Variants in SIGLEC7 observed in about 807,000 individuals in gnomAD.
SIGLEC7 encodes the protein sialic acid-binding Ig-like lectin 7.
In SIGLEC7, 33 loss-of-function variants were observed where a neutral mutation model predicts 40.8. That is an observed-to-expected ratio of 0.81 (90% confidence interval 0.61 to 1.08). The LOEUF (loss-of-function observed/expected upper bound fraction) is 1.08. SIGLEC7 is among the 50% of genes least tolerant of loss of function. The pLI is 0.00. For missense variants in SIGLEC7, 513 were observed against 576.1 expected, an observed-to-expected ratio of 0.89 and a Z score of 1.12; for synonymous variants, 242 against 237.6, an observed-to-expected ratio of 1.02 and a Z score of -0.17.
intron 6 of SIGLEC7, among the ~76,000 whole-genome samples, chr19:51,149,231 CT>C (rs1224204844): frequency 1.3e-5 from 2 of 152,114 alleles, no homozygotes; most frequent in Non-Finnish European, 2.9e-5. Flanking sequence ...AAATCTTTGC[CT>C]GTTTATCCAG....
chr19:51,147,413 TCTC>T lies in SIGLEC7; in HGVS notation c.1221+100_1221+102del, dbSNP rs2092116886. The T allele has an allele frequency of 6.6e-6, 6 of 909,866 alleles. No individual in the cohort carries two copies. The Admixed American group carries it at 1.1e-4, about 17-fold the overall frequency. 56.4% of individuals were successfully genotyped at this position (909,866 alleles called of 1,614,324 possible). On this transcript the variant is annotated intron_variant, in intron 6 of 6. Coordinates refer to ENST00000317643, the MANE Select transcript of SIGLEC7 (RefSeq NM_014385.4). ...TCTCTGCTTATCATGGCCAAAATTA[TCTC>T]CTCATCTCCTCCTCCTTCCCACCAT...
At position 51,153,161 on chromosome 19, in the gene SIGLEC7, C is replaced by G; in HGVS notation, c.1320C>G (p.Leu440=). 6.2e-7 allele frequency: 1 copy of G among 1,610,788 alleles called. No individual in the cohort carries two copies. The highest frequency in any genetic ancestry group is 8.5e-7 in the Non-Finnish European group (1 of 1,178,452). Residue 440 remains leucine (L), a synonymous_variant, in exon 7 of 7, where the codon CTC becomes CTG. Transcript: ENST00000317643. ...AAAGAGAGATCCAGTATGCACCCCTCAGCTTTCATAAGGGGGAGCCTCAGG... is the reference window on the plus strand; with the variant it reads ...AAAGAGAGATCCAGTATGCACCCCTGAGCTTTCATAAGGGGGAGCCTCAGG... ...GEEREIQYAP[L]SFHKGEPQDL...
intron 6 of SIGLEC7, among the ~76,000 whole-genome samples, chr19:51,148,906 T>A (rs1483067365): frequency 6.6e-6 from 1 of 152,214 alleles, no homozygotes; most frequent in Non-Finnish European, 1.5e-5. Flanking sequence ...GATATTTCAT[T>A]GTGGTTCTGA....
In SIGLEC7 at chr19:51,142,422, G is replaced by T; in HGVS notation, c.53G>T (p.Gly18Val). The change falls in exon 1 of 7, where the codon GGA becomes GTA. Residue 18 changes from glycine (G) to valine (V), a missense_variant. Coordinates refer to ENST00000317643, the MANE Select transcript of SIGLEC7 (RefSeq NM_014385.4). This position sits in a 1 kb window ranked among gnomAD's most constrained non-coding sequence, Gnocchi z 5.0. Reference sequence around the variant, plus strand: ...CTCTGGGGGAGGGAGAGGGTGGAAGGACAGAAGAGTAACCGGAAGGATTAC... The same window carrying T: ...CTCTGGGGGAGGGAGAGGGTGGAAGTACAGAAGAGTAACCGGAAGGATTAC... ...PLLWGRERVE[G>V]QKSNRKDYSL... 6.2e-7 allele frequency: 1 copy of T among 1,614,148 alleles called. No homozygotes were observed.
At chr19:51,146,355 G>A (rs1165341252) in intron 4 of SIGLEC7, among the ~76,000 whole-genome samples, 1 of 152,280 alleles carries the variant, frequency 6.6e-6, no homozygotes. Context: ...GGACAGGTGT[G>A]TTTGGGGAGA....
intron 1 of SIGLEC7, chr19:51,144,204 A>G: frequency 1.2e-6 from 1 of 801,468 alleles, no homozygotes; most frequent in Admixed American, 2.0e-5. Context: ...AATGTGACAG[A>G]TAAGGCACAG....
rs140971834 is a variant in SIGLEC7, at chr19:51,144,434, C to T, written c.462C>T (p.Ile154=). Residue 154 remains isoleucine, a synonymous_variant, in exon 2 of 7, where the codon ATC becomes ATT. Coordinates refer to ENST00000317643, the MANE Select transcript of SIGLEC7 (RefSeq NM_014385.4). ...TALTHRPNIL[I]PGTLESGCFQ... ...TGACCCACAGGCCCAACATCCTTATCCCCGGTACCCTGGAGTCTGGCTGCT... is the reference window on the plus strand; with the variant it reads ...TGACCCACAGGCCCAACATCCTTATTCCCGGTACCCTGGAGTCTGGCTGCT... 2.3e-4 allele frequency: 376 copies of T among 1,612,088 alleles called. 5 individuals carry two copies. In the East Asian group the frequency reaches 6.7e-3, roughly 29 times the overall value.
At position 51,145,516 on chromosome 19, in the gene SIGLEC7, T is replaced by G. The variant is rs554839620; in HGVS notation, c.761-339T>G. Among the ~76,000 whole-genome samples, 22 of 152,304 alleles carry G rather than the reference T, an allele frequency of 1.4e-4. No individual in the cohort carries two copies. The highest frequency in any genetic ancestry group is 5.3e-4 in the African/African-American group (22 of 41,572). On this transcript the variant is annotated intron_variant, in intron 3 of 6. Coordinates refer to ENST00000317643, the MANE Select transcript of SIGLEC7 (RefSeq NM_014385.4). This position sits in a 1 kb window ranked among gnomAD's most constrained non-coding sequence, Gnocchi z 4.3. ...GAATAGTCTCTGATTTTGTGGCATCTCCTAATGGAAGATCATGGCACTAAT... is the reference window on the plus strand; with the variant it reads ...GAATAGTCTCTGATTTTGTGGCATCGCCTAATGGAAGATCATGGCACTAAT...
At chr19:51,146,959 C>A in intron 5 of SIGLEC7, 109 bp downstream of exon 5, 1 of 1,160,052 alleles carries the variant, frequency 8.6e-7, no homozygotes, top group Non-Finnish European at 1.2e-6. Context: ...GAGCTTGGGG[C>A]AAGAATGAGC....
In SIGLEC7 at chr19:51,145,532, T is replaced by C. The variant is rs2092101365; in HGVS notation, c.761-323T>C. 6.6e-6 allele frequency among the ~76,000 whole-genome samples: 1 copy of C among 152,216 alleles called. No homozygotes were observed. The highest frequency in any genetic ancestry group is 2.4e-5 in the African/African-American group (1 of 41,458). Reference sequence around the variant, plus strand: ...TGTGGCATCTCCTAATGGAAGATCATGGCACTAATTTTATCCTACGGCACG... The same window carrying C: ...TGTGGCATCTCCTAATGGAAGATCACGGCACTAATTTTATCCTACGGCACG... On this transcript the variant is annotated intron_variant, in intron 3 of 6. Transcript: ENST00000317643. The surrounding 1 kb of genome is among the most constrained non-coding windows in gnomAD (Gnocchi z 4.3).
intron 1 of SIGLEC7, 88 bp from the exon 2 acceptor site, chr19:51,144,318 G>C: frequency 6.6e-7 from 1 of 1,518,502 alleles, no homozygotes; most frequent in Non-Finnish European, 8.8e-7. Context: ...GTTGGGCTCA[G>C]GGCAGAAGCT....
Position 51,144,938 on chromosome 19 carries a change from G to A in SIGLEC7, c.739G>A (p.Val247Ile). ...CCCTCCTCAGAACTTGACTGTGACT[G>A]TCTTCCAAGGAGAAGGCACAGGTAG... The part of the protein sequence containing the change: ...SYPPQNLTVT[V>I]FQGEGTASTA... Residue 247 changes from valine to isoleucine, a missense_variant, in exon 3 of 7, where the codon GTC (valine) becomes ATC (isoleucine). By Grantham distance (29) the Val-to-Ile change is conservative. Coordinates refer to ENST00000317643, the MANE Select transcript of SIGLEC7 (RefSeq NM_014385.4). The A allele has an allele frequency of 6.2e-7, 1 of 1,614,112 alleles. No homozygotes were observed. Among genetic ancestry groups the A allele is most frequent in the Non-Finnish European group, 8.5e-7 (1 of 1,179,978 alleles).
intron 6 of SIGLEC7, among the ~76,000 whole-genome samples, chr19:51,149,070 T>C (rs2092127900): frequency 6.6e-6 from 1 of 152,242 alleles, no homozygotes; most frequent in Non-Finnish European, 1.5e-5. Context: ...TATTAGACCT[T>C]TGCCTAATGC....
rs1314651455 is a variant in SIGLEC7, at chr19:51,145,697, G to A, written c.761-158G>A. On this transcript the variant is annotated intron_variant, in intron 3 of 6. Coordinates refer to ENST00000317643, the MANE Select transcript of SIGLEC7 (RefSeq NM_014385.4). This position sits in a 1 kb window ranked among gnomAD's most constrained non-coding sequence, Gnocchi z 4.3. ...TATGGTGAAGTTGTCCTCAAATAAAGGTGGGCAAGTTTACATTCCCAACAG... is the reference window on the plus strand; with the variant it reads ...TATGGTGAAGTTGTCCTCAAATAAAAGTGGGCAAGTTTACATTCCCAACAG... Among the ~76,000 whole-genome samples, 1 of 152,204 alleles carries A rather than the reference G, an allele frequency of 6.6e-6. No individual in the cohort carries two copies. The highest frequency in any genetic ancestry group is 1.5e-5 in the Non-Finnish European group (1 of 68,036).
At position 51,147,330 on chromosome 19, in the gene SIGLEC7, G is replaced by A; in HGVS notation, c.1221+13G>A. The A allele has an allele frequency of 1.9e-6, 3 of 1,601,750 alleles. No homozygotes were observed. The Admixed American group carries it at 5.1e-5, about 27-fold the overall frequency. On this transcript the variant is annotated intron_variant, in intron 6 of 6. Coordinates refer to ENST00000317643, the MANE Select transcript of SIGLEC7 (RefSeq NM_014385.4). ...CTCAGCCTCTCAGGTGAGTGATATG[G>A]GCGTCTCCACACCCAGCATCCAGCT...
chr19:51,150,718 G>C (rs942582152), intron 6 of SIGLEC7, among the ~76,000 whole-genome samples: 15 of 152,294 alleles, frequency 9.8e-5, no homozygotes, highest in African/African-American at 3.6e-4. Flanking sequence ...AGGAGGCTCA[G>C]ATCTGACATT....
chr19:51,150,370 T>C (rs971931158), intron 6 of SIGLEC7, among the ~76,000 whole-genome samples: 1 of 152,254 alleles, frequency 6.6e-6, no homozygotes, highest in African/African-American at 2.4e-5. Flanking sequence ...TGCTGAATTT[T>C]ATCAAAAGCC....
chr19:51,142,431 G>A lies in SIGLEC7; in HGVS notation c.62G>A (p.Ser21Asn). ...AGGGAGAGGGTGGAAGGACAGAAGA[G>A]TAACCGGAAGGATTACTCGCTGACG... ...WGRERVEGQK[S>N]NRKDYSLTMQ... The change falls in exon 1 of 7, where the codon AGT (serine) becomes AAT (asparagine). Residue 21 changes from serine (S) to asparagine (N), a missense_variant. Coordinates refer to ENST00000317643, the MANE Select transcript of SIGLEC7 (RefSeq NM_014385.4). This position sits in a 1 kb window ranked among gnomAD's most constrained non-coding sequence, Gnocchi z 5.0. 5 of 1,614,168 alleles carry A rather than the reference G, an allele frequency of 3.1e-6. No individual in the cohort carries two copies. The highest frequency in any genetic ancestry group is 4.2e-6 in the Non-Finnish European group (5 of 1,180,016).
In SIGLEC7 at chr19:51,145,388, C is replaced by T. The variant is rs773495847; in HGVS notation, c.760+429C>T. Among the ~76,000 whole-genome samples the T allele has an allele frequency of 7.2e-5, 11 of 152,168 alleles. No individual in the cohort carries two copies. Among genetic ancestry groups the T allele is most frequent in the Non-Finnish European group, 1.0e-4 (7 of 68,024 alleles). On this transcript the variant is annotated intron_variant, in intron 3 of 6. Coordinates refer to ENST00000317643, the MANE Select transcript of SIGLEC7 (RefSeq NM_014385.4). The surrounding 1 kb of genome is among the most constrained non-coding windows in gnomAD (Gnocchi z 4.3). ...ATCAACCAGGGTCTGTCCAGGCTGT[C>T]CTGAGCCTTGGTTTGTGCACCTGGA...
Sources: gnomAD v4.1 joint callset for allele counts (sites outside exome capture counted in the v4.1 genomes callset) on GRCh38, gnomAD v4.1.1 for gene constraint, Gnocchi (gnomAD v3.1) non-coding constraint, MANE v1.5 for transcripts, NCBI Gene and HGNC (gene_info 2026-07-23, HGNC 2026-07-21) for gene names.